Variants in DDX24 observed in about 807,000 individuals in gnomAD.
DDX24 encodes the protein ATP-dependent RNA helicase DDX24.
A neutral mutation model predicts 68.9 loss-of-function variants in DDX24; 24 were observed. That is an observed-to-expected ratio of 0.35 (90% CI 0.25 to 0.49). DDX24 has a LOEUF of 0.49. DDX24 is among the 20% of genes least tolerant of loss of function. DDX24 has a pLI of 0.99. For missense variants in DDX24, 989 were observed against 1,039.0 expected (o/e 0.95, Z 0.66); for synonymous variants, 395 against 385.2 (o/e 1.03, Z -0.30).
intron 2 of DDX24, among the ~76,000 whole-genome samples, chr14:94,074,939 A>G (rs10146806): frequency 0.045 from 6,871 of 152,288 alleles, 419 homozygotes; most frequent in African/African-American, 0.13. Context: ...AAAATGCTTA[A>G]GGATAAATCT....
rs538315812 is a variant in DDX24 at position 94,051,340 on chromosome 14, T to C, written c.2431A>G (p.Thr811Ala). 21 of 1,613,132 alleles carry C rather than the reference T, an allele frequency of 1.3e-5. No individual in the cohort carries two copies. Among genetic ancestry groups the C allele is most frequent in the Admixed American group, 1.2e-4 (7 of 59,810 alleles). ...FTESQKTKYP[T>A]QSGKPPLLVS... ...AGCAGGGGCGGCTTGCCAGACTGAG[T>C]GGGATACTTGGTTTTCTGGCTCTCC... The change falls in exon 9 of 9, where the codon ACT (threonine) becomes GCT (alanine). Residue 811 changes from threonine (T) to alanine (A), a missense_variant. Coordinates refer to ENST00000621632, the MANE Select transcript of DDX24 (RefSeq NM_020414.4).
chr14:94,069,429 A>G (rs1885783841), intron 2 of DDX24, among the ~76,000 whole-genome samples: 1 of 152,164 alleles, frequency 6.6e-6, no homozygotes, highest in East Asian at 1.9e-4. Context: ...GAATTCTACC[A>G]GACATTCAAA....
intron 1 of DDX24, 103 bp downstream of exon 1, chr14:94,081,016 C>T (rs1330353299): frequency 1.3e-5 from 2 of 152,272 alleles, no homozygotes; most frequent in Non-Finnish European, 2.9e-5. Flanking sequence ...CCTCTCTGGA[C>T]CCGGGAACCC....
chr14:94,064,403 T>C (rs2141428407), intron 2 of DDX24, among the ~76,000 whole-genome samples: 1 of 152,356 alleles, frequency 6.6e-6, no homozygotes, highest in South Asian at 2.1e-4. Flanking sequence ...GTTAATAAGA[T>C]GACTAGTGGC....
intron 3 of DDX24, 99 bp downstream of exon 3, chr14:94,061,998 G>T (rs1885606245): frequency 1.5e-6 from 2 of 1,307,774 alleles, no homozygotes; most frequent in South Asian, 1.5e-5. Context: ...AGATGAGAGT[G>T]GCTTACCCTA....
chr14:94,064,873 G>A (rs1885668502), intron 2 of DDX24, among the ~76,000 whole-genome samples: 1 of 152,126 alleles, frequency 6.6e-6, no homozygotes, highest in Non-Finnish European at 1.5e-5. Context: ...TCATTAATGG[G>A]GGCAACCTTG....
At chr14:94,078,841 T>C (rs1409608858) in intron 2 of DDX24, 184 bp downstream of exon 2, 4 of 626,190 alleles carry the variant, frequency 6.4e-6, no homozygotes, top group Non-Finnish European at 1.1e-5. Context: ...AAAAGTGATC[T>C]GGCTAGGATA....
intron 2 of DDX24, among the ~76,000 whole-genome samples, chr14:94,078,170 C>A (rs1885984191): frequency 6.6e-6 from 1 of 152,104 alleles, no homozygotes; most frequent in Admixed American, 6.6e-5. Flanking sequence ...TTAAAATATA[C>A]AGGAGGATGT....
intron 8 of DDX24, 61 bp downstream of exon 8, chr14:94,052,937 C>A (rs1239727478): frequency 3.8e-6 from 6 of 1,562,082 alleles, no homozygotes; most frequent in Non-Finnish European, 5.2e-6. Flanking sequence ...ATGGTTCCAA[C>A]AAAGCAAAAG....
intron 7 of DDX24, among the ~76,000 whole-genome samples, chr14:94,054,043 A>G (rs1885445347): frequency 6.6e-6 from 1 of 152,174 alleles, no homozygotes; most frequent in Admixed American, 6.5e-5. Flanking sequence ...TTTGACTGCC[A>G]ACCTATAGGT....
In DDX24 at chr14:94,062,690, A is replaced by G. The variant is rs1230521923; in HGVS notation, c.719-69T>C. On this transcript the variant is annotated intron_variant, in intron 2 of 8. Transcript: ENST00000621632. ...AACAGATGAACATACTTTAGTCTGG[A>G]ATTCATTCTTTTGCATAGAATAAGG... is the stretch of plus-strand genomic sequence containing the variant. The G allele has an allele frequency of 3.3e-6, 5 of 1,522,218 alleles. No individual in the cohort carries two copies. The East Asian group carries it at 1.1e-4, about 34-fold the overall frequency. The allele number at this position is 1,522,218 out of a possible 1,614,324, so 94.3% of individuals were successfully genotyped here.
rs531556826 is a variant in DDX24, at chr14:94,071,752, C to A, written c.718+7273G>T. Among the ~76,000 whole-genome samples, 72 of 152,296 alleles carry A rather than the reference C, an allele frequency of 4.7e-4. 1 individual carries two copies. In the South Asian group the frequency reaches 0.015, roughly 31 times the overall value. Reference sequence around the variant, plus strand: ...CCCGAGGTCGGGAGTTTGAGACCAGCCTGACTAACATGGAGAAACCACGTC... The same window carrying A: ...CCCGAGGTCGGGAGTTTGAGACCAGACTGACTAACATGGAGAAACCACGTC... On this transcript the variant is annotated intron_variant, in intron 2 of 8. Transcript: ENST00000621632.
intron 2 of DDX24, among the ~76,000 whole-genome samples, chr14:94,073,261 A>AT (rs1275055737): frequency 3.3e-5 from 5 of 151,884 alleles, no homozygotes; most frequent in South Asian, 4.2e-4. Context: ...ATTTTTTTGT[A>AT]TTTTTAGTAG....
Position 94,051,210 on chromosome 14 carries a change from G to A in DDX24, c.2561C>T (p.Pro854Leu). 7.7e-6 allele frequency: 12 copies of A among 1,568,618 alleles called. No individual in the cohort carries two copies. Among genetic ancestry groups the A allele is most frequent in the Non-Finnish European group, 1.0e-5 (12 of 1,158,228 alleles). ...PKEPQPEQPQ[P>L]STSAN is the part of the protein sequence containing the mutation. ...GACCAGTTAATTTGCACTTGTACTT[G>A]GCTGTGGCTGTTCCGGCTGTGGCTC... The change falls in exon 9 of 9, where the codon CCA (proline) becomes CTA (leucine). Residue 854 changes from proline (P) to leucine (L), a missense_variant. Physicochemically the swap from Pro to Leu is moderately conservative, Grantham distance 98 (BLOSUM62 -3). Coordinates refer to ENST00000621632, the MANE Select transcript of DDX24 (RefSeq NM_020414.4).
chr14:94,077,829 T>C (rs1200072283), intron 2 of DDX24, among the ~76,000 whole-genome samples: 3 of 151,116 alleles, frequency 2.0e-5, no homozygotes, highest in Non-Finnish European at 4.4e-5. Context: ...TAAAATGACA[T>C]GTGCTGCAAG....
intron 5 of DDX24, 89 bp from the exon 6 acceptor site, chr14:94,057,986 A>G (rs1375863137): frequency 8.2e-7 from 1 of 1,218,682 alleles, no homozygotes; most frequent in Non-Finnish European, 1.2e-6. Flanking sequence ...TAAACATTAC[A>G]GTCCTTACCA....
chr14:94,061,622 T>C (rs978485715), intron 3 of DDX24, among the ~76,000 whole-genome samples: 49 of 152,314 alleles, frequency 3.2e-4, no homozygotes, highest in African/African-American at 1.1e-3. Context: ...CCAGAGTGAA[T>C]TCCCTGAGAG....
chr14:94,053,376 TTTTTTTTTTTTC>T, intron 7 of DDX24: 2 of 418,268 alleles, frequency 4.8e-6, no homozygotes, highest in Non-Finnish European at 4.2e-6. Flanking sequence ...TTTTTTTTTT[TTTTTTTTTTTTC>T]GTAAAGACAG....
intron 2 of DDX24, among the ~76,000 whole-genome samples, chr14:94,068,424 A>C (rs1885751853): frequency 6.6e-6 from 1 of 152,242 alleles, no homozygotes; most frequent in African/African-American, 2.4e-5. Context: ...GGGGGACTTC[A>C]ATACTCCACT....
Sources: allele counts gnomAD v4.1 joint callset (sites outside exome capture counted in the v4.1 genomes callset), GRCh38; gene constraint gnomAD v4.1.1; transcripts MANE v1.5; gene names NCBI Gene and HGNC (gene_info 2026-07-23, HGNC 2026-07-21).